Variants in SMTN observed in about 807,000 individuals in gnomAD.
SMTN encodes the protein smoothelin.
A neutral mutation model predicts 102.0 loss-of-function variants in SMTN; 58 were observed. The observed-to-expected ratio is 0.57, with a 90% CI of 0.46 to 0.71. The LOEUF (loss-of-function observed/expected upper bound fraction) is 0.71, where lower values mean the gene tolerates loss of function less well. Among genes scored for constraint, SMTN ranks in the 30% least tolerant of loss-of-function variants. SMTN has a pLI of 0.00. For missense variants in SMTN, 1,185 were observed against 1,241.7 expected (o/e 0.95, Z 0.69); for synonymous variants, 478 against 497.9 (o/e 0.96, Z 0.53).
intron 11 of SMTN, among the ~76,000 whole-genome samples, chr22:31,094,883 G>A (rs143157975): frequency 2.6e-4 from 40 of 152,042 alleles, no homozygotes; most frequent in African/African-American, 9.4e-4. Flanking sequence ...ATGCGGTCTC[G>A]CTATGTTACC....
Position 31,090,793 on chromosome 22 carries a change from T to A in SMTN, c.866-15T>A. The stretch of plus-strand genomic sequence containing the variant: ...CTTTCCCCACATGGCCATCACCCCC[T>A]CCCCAACCTGCCAGACGTGGCTGGA... On this transcript the variant is annotated splice_polypyrimidine_tract_variant and intron_variant, in intron 8 of 20. Coordinates refer to ENST00000333137, the MANE Select transcript of SMTN (RefSeq NM_134269.3). 5 of 1,607,426 alleles carry A rather than the reference T, an allele frequency of 3.1e-6. No homozygotes were observed. Among genetic ancestry groups the A allele is most frequent in the Non-Finnish European group, 4.3e-6 (5 of 1,174,316 alleles).
At chr22:31,070,559 A>G (rs1468854508) in intron 1 of SMTN, among the ~76,000 whole-genome samples, 1 of 152,166 alleles carries the variant, frequency 6.6e-6, no homozygotes, top group African/African-American at 2.4e-5. Context: ...TCCAGACTTG[A>G]GCATAATTAT....
rs1213462222 is a variant in SMTN, at chr22:31,100,925, A to G, written c.2644A>G (p.Met882Val). The G allele has an allele frequency of 2.5e-6, 4 of 1,590,462 alleles. No individual in the cohort carries two copies. Among genetic ancestry groups the G allele is most frequent in the South Asian group, 1.1e-5 (1 of 90,234 alleles). ...CCCGCAGCTCCTGGATACAGAGGACATGGTGCGGCTTCGAGAGCCTGACTG... is the reference window on the plus strand; with the variant it reads ...CCCGCAGCTCCTGGATACAGAGGACGTGGTGCGGCTTCGAGAGCCTGACTG... ...DCPQLLDTED[M>V]VRLREPDWKC... Residue 882 changes from methionine (M) to valine (V), a missense_variant, in exon 20 of 21, where the codon ATG becomes GTG. This residue lies in a region of SMTN where 89 missense variants were observed against 128.9 expected (regional missense o/e 0.69). Transcript: ENST00000333137.
At chr22:31,090,208 G>A in intron 8 of SMTN, 28 bp downstream of exon 8, 2 of 1,569,208 alleles carry the variant, frequency 1.3e-6, no homozygotes, top group Non-Finnish European at 1.7e-6. Context: ...GGTAGTCACA[G>A]GCATCTTTCT....
At chr22:31,077,377 C>T (rs2147508236), upstream of SMTN, among the ~76,000 whole-genome samples, 1 of 131,806 alleles carries the variant, frequency 7.6e-6, no homozygotes, top group African/African-American at 2.9e-5. Flanking sequence ...GAGACTCTGT[C>T]TCAAAAACAA....
chr22:31,085,417 G>C, intron 2 of SMTN: 3 of 835,908 alleles, frequency 3.6e-6, no homozygotes, highest in Non-Finnish European at 5.4e-6. Context: ...GGGGAGCTGG[G>C]ACTGAAAGCC....
chr22:31,073,807 A>C (rs1329792232), intron 1 of SMTN, among the ~76,000 whole-genome samples: 6 of 152,190 alleles, frequency 3.9e-5, no homozygotes, highest in Admixed American at 3.3e-4. Context: ...GATTTCATGG[A>C]TTGGCACTTT....
intron 1 of SMTN, chr22:31,064,679 T>G (rs969958277): frequency 6.6e-6 from 1 of 152,252 alleles, no homozygotes; most frequent in African/African-American, 2.4e-5. Flanking sequence ...AATTTAGATA[T>G]AATTCATATA....
chr22:31,098,540 T>C, intron 16 of SMTN, 127 bp from the exon 17 acceptor site: 2 of 849,926 alleles, frequency 2.4e-6, no homozygotes, highest in South Asian at 1.8e-5. Context: ...CCTCCCTCCC[T>C]GGCAGGCGTT....
chr22:31,097,422 G>A, intron 16 of SMTN, 84 bp downstream of exon 16: 4 of 1,279,960 alleles, frequency 3.1e-6, no homozygotes, highest in South Asian at 1.2e-5. Context: ...CAGAGGGGTG[G>A]GCTGGGCACA....
chr22:31,070,849 G>T (rs1327862282), intron 1 of SMTN, among the ~76,000 whole-genome samples: 1 of 147,250 alleles, frequency 6.8e-6, no homozygotes, highest in Non-Finnish European at 1.5e-5. Context: ...GCTTGAACCC[G>T]GGAAGCAGAG....
Position 31,085,387 on chromosome 22 carries a change from G to T in SMTN, c.51+2078G>T. On this transcript the variant is annotated intron_variant, in intron 2 of 20. Coordinates refer to ENST00000333137, the MANE Select transcript of SMTN (RefSeq NM_134269.3). ...GGCGAGGCTTCCCTCCACCGCCGGC[G>T]GGACCCCCATGGGCAACCGGGGGAG... is the stretch of plus-strand genomic sequence containing the variant. 14 of 1,180,558 alleles carry T rather than the reference G, an allele frequency of 1.2e-5. No individual in the cohort carries two copies. The South Asian group carries it at 2.2e-4, about 19-fold the overall frequency. The allele number at this position is 1,180,558 out of a possible 1,614,324, so 73.1% of individuals were successfully genotyped here. A position where few individuals can be genotyped will look rare whatever the true frequency, so the allele number is the denominator to read the frequency against.
intron 6 of SMTN, 85 bp from the exon 7 acceptor site, chr22:31,089,614 G>A: frequency 7.6e-7 from 1 of 1,314,802 alleles, no homozygotes; most frequent in African/African-American, 1.4e-5. Context: ...GCCCTGCCCT[G>A]GGCACTTGCC....
chr22:31,085,071 G>A, intron 2 of SMTN: 1 of 1,533,354 alleles, frequency 6.5e-7, no homozygotes, highest in Non-Finnish European at 8.7e-7. Flanking sequence ...ATTGGGCCGG[G>A]GATGGGAGGA....
chr22:31,079,199 C>T (rs1312251217), upstream of SMTN, among the ~76,000 whole-genome samples: 1 of 152,226 alleles, frequency 6.6e-6, no homozygotes, highest in Admixed American at 6.5e-5. Context: ...TTTACTCTTT[C>T]CTCGGCTGTA....
intron 8 of SMTN, 83 bp from the exon 9 acceptor site, chr22:31,090,725 G>T: frequency 9.2e-7 from 1 of 1,091,952 alleles, no homozygotes; most frequent in Non-Finnish European, 1.4e-6. Context: ...GTGTAGAGGA[G>T]AGGATTATGA....
rs1457733725 is a variant in SMTN at position 31,098,722 on chromosome 22, G to A, written c.2215G>A (p.Glu739Lys). The A allele has an allele frequency of 5.0e-6, 8 of 1,613,386 alleles. No individual in the cohort carries two copies. Among genetic ancestry groups the A allele is most frequent in the Non-Finnish European group, 6.8e-6 (8 of 1,179,938 alleles). ...ACGGGCCGGCAGCCTGGCGGCGCTC[G>A]AGAAACGGCAGGCCGAGAAGAAGAA... ...SPRAGSLAALEKRQAEKKKEL... is the reference protein window; with the variant it reads ...SPRAGSLAALKKRQAEKKKEL... Residue 739 changes from glutamate (E) to lysine (K), a missense_variant, in exon 17 of 21, where the codon GAG (glutamate) becomes AAG (lysine). Glu to Lys is a moderately conservative substitution (Grantham distance 56). Coordinates refer to ENST00000333137, the MANE Select transcript of SMTN (RefSeq NM_134269.3).
Position 31,069,690 on chromosome 22 carries a change from G to T in SMTN, c.-386+5503G>T, listed in dbSNP as rs146474051. On this transcript the variant is annotated intron_variant, in intron 1 of 3. Coordinates refer to the SMTN transcript ENST00000422839. ...GTGCCCTAAGAGGAACGAACTCACG[G>T]CCACAGGCACAGATTGAGCACCTAA... 8.5e-4 allele frequency among the ~76,000 whole-genome samples: 130 copies of T among 152,304 alleles called. 1 individual carries two copies. In the Middle Eastern group the frequency reaches 0.02, roughly 24 times the overall value.
chr22:31,099,541 A>T (rs2043905924), intron 18 of SMTN: 2 of 612,590 alleles, frequency 3.3e-6, no homozygotes, highest in Non-Finnish European at 5.7e-6. Flanking sequence ...TGGGCCTCTC[A>T]GTAGCTCTGT....
Sources: gnomAD v4.1 joint callset for allele counts (sites outside exome capture counted in the v4.1 genomes callset) on GRCh38, gnomAD v4.1.1 for gene constraint, gnomAD v4.1.1 regional missense constraint, MANE v1.5 for transcripts, NCBI Gene and HGNC (gene_info 2026-07-23, HGNC 2026-07-21) for gene names.